The following NRG3 variants were observed in gnomAD, a reference collection of about 807,000 sequenced individuals.
NRG3 encodes neuregulin 3, also known as pro-neuregulin-3, membrane-bound isoform.
In NRG3, 31 loss-of-function variants were observed where a neutral mutation model predicts 66.9. The ratio of observed to expected loss-of-function variants is 0.46; its 90% confidence interval spans 0.35 to 0.63. The LOEUF (loss-of-function observed/expected upper bound fraction) is 0.63, where lower values mean the gene tolerates loss of function less well. NRG3 is among the 20% of genes least tolerant of loss of function. NRG3 has a pLI of 0.00. For synonymous variants in NRG3, 393 were observed against 359.4 expected (o/e 1.09, Z -1.06); for missense variants, 910 against 878.9 (o/e 1.04, Z -0.45).
intron 3 of NRG3, among the ~76,000 whole-genome samples, chr10:82,764,829 G>A (rs970819358): frequency 6.6e-6 from 1 of 152,072 alleles, no homozygotes; most frequent in Non-Finnish European, 1.5e-5. Context: ...GCTATGTTTT[G>A]GGCTGTGTGT....
chr10:82,826,977 C>T (rs555738593), intron 3 of NRG3, among the ~76,000 whole-genome samples: 4 of 151,694 alleles, frequency 2.6e-5, no homozygotes, highest in South Asian at 2.1e-4. Context: ...CAGTTTGTTC[C>T]GTCAAAATAC....
intron 2 of NRG3, among the ~76,000 whole-genome samples, chr10:82,453,741 C>CG: frequency 6.6e-6 from 1 of 150,852 alleles, no homozygotes; most frequent in East Asian, 1.9e-4. Flanking sequence ...GCATAGATCT[C>CG]GGTGAGTTAT....
chr10:82,976,971 C>T (rs1439594789), intron 7 of NRG3, among the ~76,000 whole-genome samples: 1 of 151,896 alleles, frequency 6.6e-6, no homozygotes, highest in South Asian at 2.1e-4. Context: ...CTTTTTTTGC[C>T]CTCGAACACT....
chr10:82,908,263 T>C (rs1475938348), intron 4 of NRG3, among the ~76,000 whole-genome samples: 4 of 152,214 alleles, frequency 2.6e-5, no homozygotes, highest in African/African-American at 9.6e-5. Flanking sequence ...AGTTTGCAAC[T>C]GGTGCAGGAG....
chr10:82,968,841 A>G (rs1357669268), intron 6 of NRG3, among the ~76,000 whole-genome samples: 1 of 152,078 alleles, frequency 6.6e-6, no homozygotes, highest in African/African-American at 2.4e-5. Flanking sequence ...TTTATGAAGA[A>G]AAAGAGGTTT....
At chr10:82,863,829 C>T (rs1007639100) in intron 3 of NRG3, among the ~76,000 whole-genome samples, 9 of 152,112 alleles carry the variant, frequency 5.9e-5, no homozygotes, top group African/African-American at 1.7e-4. Flanking sequence ...AAAGAATGAC[C>T]ATAGCTTTTT....
chr10:82,817,152 A>C (rs911895954), intron 3 of NRG3, among the ~76,000 whole-genome samples: 1 of 152,106 alleles, frequency 6.6e-6, no homozygotes, highest in Non-Finnish European at 1.5e-5. Context: ...TAATTCAGCA[A>C]TTCTACTGAT....
intron 2 of NRG3, among the ~76,000 whole-genome samples, chr10:82,412,780 G>A (rs1291934701): frequency 6.6e-6 from 1 of 152,144 alleles, no homozygotes; most frequent in Non-Finnish European, 1.5e-5. Flanking sequence ...TAAATCCTGT[G>A]TTGTCACTTC....
At chr10:82,763,924 T>C (rs1382876107) in intron 3 of NRG3, among the ~76,000 whole-genome samples, 3 of 152,208 alleles carry the variant, frequency 2.0e-5, no homozygotes, top group Admixed American at 2.0e-4. Context: ...TTTGGACATA[T>C]TGAATGAAGT....
rs151035795 is a variant in NRG3 at position 82,159,528 on chromosome 10, G to A, written c.824-199211G>A. Among the ~76,000 whole-genome samples the A allele has an allele frequency of 3.0e-4, 45 of 151,924 alleles. No individual in the cohort carries two copies. The East Asian group carries it at 6.4e-3, about 22-fold the overall frequency. The stretch of plus-strand genomic sequence containing the variant: ...CCTTTGGGTTACCTGGGTGGCTAAC[G>A]CCCTCTGTTCTCTCATAGTACCCTG... On this transcript the variant is annotated intron_variant, in intron 1 of 8. Transcript: ENST00000372141.
At chr10:82,902,704 T>A (rs1010471955) in intron 4 of NRG3, among the ~76,000 whole-genome samples, 1 of 152,092 alleles carries the variant, frequency 6.6e-6, no homozygotes, top group African/African-American at 2.4e-5. Context: ...TTATATGTAT[T>A]ATATATGTGT....
At chr10:82,628,752 G>A (rs2133699277) in intron 2 of NRG3, among the ~76,000 whole-genome samples, 1 of 152,286 alleles carries the variant, frequency 6.6e-6, no homozygotes, top group Non-Finnish European at 1.5e-5. Flanking sequence ...AACAGTTACG[G>A]AAGTAGGAGT....
At chr10:82,963,479 G>C (rs973845513) in intron 6 of NRG3, among the ~76,000 whole-genome samples, 19 of 152,102 alleles carry the variant, frequency 1.2e-4, no homozygotes, top group Non-Finnish European at 4.4e-5. Context: ...AGGAGATCGA[G>C]ACAATCCTGG....
At position 81,877,738 on chromosome 10, in the gene NRG3, C is replaced by T. The variant is rs770578396; in HGVS notation, c.823+1575C>T. 4.4e-6 allele frequency: 6 copies of T among 1,361,812 alleles called. No homozygotes were observed. The South Asian group carries it at 9.2e-5, about 21-fold the overall frequency. 84.4% of individuals were successfully genotyped at this position (1,361,812 alleles called of 1,614,324 possible). On this transcript the variant is annotated intron_variant, in intron 1 of 8. Transcript: ENST00000372141. ...CCACAAACCAGAATGGCAGTAGAGC[C>T]AGTAACTTGCTGCTTCTCTCTCCTT...
At chr10:81,925,498 A>G (rs1159363813) in intron 1 of NRG3, among the ~76,000 whole-genome samples, 2 of 152,326 alleles carry the variant, frequency 1.3e-5, no homozygotes, top group African/African-American at 2.4e-5. Context: ...ATCATACTCC[A>G]GGGAAATTTG....
At chr10:82,190,563 A>G (rs1171571238) in intron 1 of NRG3, among the ~76,000 whole-genome samples, 1 of 152,188 alleles carries the variant, frequency 6.6e-6, no homozygotes, top group Non-Finnish European at 1.5e-5. Flanking sequence ...TTACTCATTT[A>G]ATCCAAAAGC....
chr10:81,906,423 G>A (rs1844611257), intron 1 of NRG3, among the ~76,000 whole-genome samples: 1 of 152,116 alleles, frequency 6.6e-6, no homozygotes, highest in African/African-American at 2.4e-5. Flanking sequence ...TAGAGTGCTT[G>A]GAGAAGGCCT....
intron 2 of NRG3, among the ~76,000 whole-genome samples, chr10:82,529,099 C>A (rs1425617990): frequency 6.6e-6 from 1 of 152,188 alleles, no homozygotes; most frequent in African/African-American, 2.4e-5. Flanking sequence ...GCTTAGAAGT[C>A]GCACATCTTT....
chr10:82,596,701 T>G (rs1049340487), intron 2 of NRG3, among the ~76,000 whole-genome samples: 1 of 152,174 alleles, frequency 6.6e-6, no homozygotes, highest in Non-Finnish European at 1.5e-5. Flanking sequence ...TCTACCACTC[T>G]CTTTAAAAAC....
Sources: gnomAD v4.1 joint callset for allele counts (sites outside exome capture counted in the v4.1 genomes callset) on GRCh38, gnomAD v4.1.1 for gene constraint, MANE v1.5 for transcripts, NCBI Gene and HGNC (gene_info 2026-07-23, HGNC 2026-07-21) for gene names.